Variants in LMF1 observed in about 807,000 individuals in gnomAD.
LMF1 encodes the protein lipase maturation factor 1.
In LMF1, 68 loss-of-function variants were observed where a neutral mutation model predicts 60.6. The observed-to-expected ratio is 1.12, with a 90% CI of 0.92 to 1.37. The LOEUF is 1.37. Ranked by LOEUF, LMF1 falls within the 40% of genes most tolerant of loss-of-function variation. LMF1 has a pLI of 0.00. For missense variants in LMF1, 948 were observed against 767.2 expected (o/e 1.24, Z -2.78); for synonymous variants, 418 against 324.7 (o/e 1.29, Z -3.09).
upstream of LMF1, among the ~76,000 whole-genome samples, chr16:975,463 C>CG (rs879476887): frequency 6.6e-6 from 1 of 152,222 alleles, no homozygotes; most frequent in Non-Finnish European, 1.5e-5. Flanking sequence ...CGGTCACCGA[C>CG]GGCCACATTA....
chr16:963,061 T>A (rs1023336233), intron 1 of LMF1, among the ~76,000 whole-genome samples: 3 of 151,578 alleles, frequency 2.0e-5, no homozygotes, highest in Non-Finnish European at 4.4e-5. Context: ...GGGCACGGGA[T>A]GGACACAGGG....
intron 2 of LMF1, among the ~76,000 whole-genome samples, chr16:937,781 T>C (rs1597033809): frequency 1.3e-5 from 2 of 152,256 alleles, no homozygotes; most frequent in African/African-American, 4.8e-5. Context: ...GCAGGCTAGT[T>C]GTAAATTTGT....
intron 10 of LMF1, among the ~76,000 whole-genome samples, chr16:856,391 C>T (rs2069185450): frequency 6.6e-6 from 1 of 152,212 alleles, no homozygotes; most frequent in Non-Finnish European, 1.5e-5. Context: ...CGTGAGGGCG[C>T]TGGGCTGTGC....
intron 1 of LMF1, among the ~76,000 whole-genome samples, chr16:955,384 C>T (rs74207866): frequency 0.34 from 33,203 of 96,730 alleles, 6,892 homozygotes; most frequent in African/African-American, 0.61. Flanking sequence ...CCGCAGCAGA[C>T]GCGGTGTGTG....
At chr16:970,044 C>T (rs1253161295) in intron 1 of LMF1, among the ~76,000 whole-genome samples, 1 of 152,204 alleles carries the variant, frequency 6.6e-6, no homozygotes, top group East Asian at 1.9e-4. Context: ...CGCCAGTGGA[C>T]CCGGCCAACC....
intron 3 of LMF1, among the ~76,000 whole-genome samples, chr16:912,752 A>G (rs1255397504): frequency 6.6e-6 from 1 of 152,148 alleles, no homozygotes; most frequent in African/African-American, 2.4e-5. Flanking sequence ...CTGGGAAGAA[A>G]AGGGTTGCCC....
At chr16:931,429 T>C (rs1283039749) in intron 3 of LMF1, among the ~76,000 whole-genome samples, 2 of 152,192 alleles carry the variant, frequency 1.3e-5, no homozygotes, top group East Asian at 3.9e-4. Context: ...TAAAGCCCAT[T>C]GTGCAAAATG....
intron 3 of LMF1, among the ~76,000 whole-genome samples, chr16:913,897 C>A (rs1284614581): frequency 1.3e-5 from 2 of 152,224 alleles, no homozygotes; most frequent in Non-Finnish European, 2.9e-5. Context: ...AGGCCCCCGA[C>A]ACCCCGACAG....
In LMF1 at chr16:965,298, G is replaced by A. The variant is rs377053083; in HGVS notation, c.193+5490C>T. Among the ~76,000 whole-genome samples, 19 of 152,240 alleles carry A rather than the reference G, an allele frequency of 1.2e-4. No individual in the cohort carries two copies. In the East Asian group the frequency reaches 2.1e-3, roughly 17 times the overall value. On this transcript the variant is annotated intron_variant, in intron 1 of 10. Coordinates refer to ENST00000262301, the MANE Select transcript of LMF1 (RefSeq NM_022773.4). Reference sequence around the variant, plus strand: ...CTAGACAGGAGAGTGGCCCCCACCCGCCCTGTTTGGAACCCAGCTGGGGCA... The same window carrying A: ...CTAGACAGGAGAGTGGCCCCCACCCACCCTGTTTGGAACCCAGCTGGGGCA...
intron 7 of LMF1, 122 bp from the exon 8 acceptor site, chr16:871,004 C>A (rs1196647131): frequency 2.8e-6 from 4 of 1,413,660 alleles, no homozygotes; most frequent in East Asian, 2.5e-5. Context: ...CGGAGCAGCA[C>A]CCGAACTCAC....
intron 5 of LMF1, chr16:883,806 TGAC>T (rs1184790015): frequency 3.9e-5 from 6 of 152,250 alleles, no homozygotes; most frequent in African/African-American, 1.4e-4. Flanking sequence ...TTTTACTGCA[TGAC>T]AATATGACAC....
intron 3 of LMF1, among the ~76,000 whole-genome samples, chr16:926,817 C>T (rs567088342): frequency 3.9e-5 from 6 of 152,286 alleles, no homozygotes; most frequent in African/African-American, 1.2e-4. Flanking sequence ...ATGTCAGCTG[C>T]TCCCCGGGTC....
intron 10 of LMF1, among the ~76,000 whole-genome samples, chr16:867,538 T>C (rs2069645132): frequency 2.6e-5 from 4 of 152,280 alleles, no homozygotes; most frequent in African/African-American, 9.6e-5. Context: ...CTCTGGGGCC[T>C]GGTCCCCAGT....
upstream of LMF1, among the ~76,000 whole-genome samples, chr16:973,163 T>G (rs571944471): frequency 6.6e-6 from 1 of 151,974 alleles, no homozygotes; most frequent in Non-Finnish European, 1.5e-5. Flanking sequence ...GCCAACATGG[T>G]GAAACCCCGC....
chr16:932,234 C>G lies in LMF1; in HGVS notation c.514+2010G>C, dbSNP rs527653043. Among the ~76,000 whole-genome samples, 332 of 152,292 alleles carry G rather than the reference C, an allele frequency of 2.2e-3. 1 individual carries two copies. Among genetic ancestry groups the G allele is most frequent in the African/African-American group, 7.6e-3 (318 of 41,576 alleles). ...CCAGGAGGCCTCACAGGCGGGGGCACGGGGAGGGTGGGCTCCAGGCCCTCT... is the reference window on the plus strand; with the variant it reads ...CCAGGAGGCCTCACAGGCGGGGGCAGGGGGAGGGTGGGCTCCAGGCCCTCT... On this transcript the variant is annotated intron_variant, in intron 3 of 10. Coordinates refer to ENST00000262301, the MANE Select transcript of LMF1 (RefSeq NM_022773.4).
intron 1 of LMF1, chr16:976,104 T>C: frequency 2.7e-6 from 1 of 367,452 alleles, no homozygotes; most frequent in Non-Finnish European, 5.1e-6. Flanking sequence ...TTTTCTGGAG[T>C]CAGTCCTCTC....
intron 3 of LMF1, among the ~76,000 whole-genome samples, chr16:914,554 C>G (rs1736495): frequency 2.5e-4 from 1 of 3,954 alleles, no homozygotes; most frequent in Non-Finnish European, 5.9e-4. Context: ...CCCATGACCA[C>G]TGGTGACACA....
At chr16:927,514 G>A (rs991379495) in intron 3 of LMF1, among the ~76,000 whole-genome samples, 2 of 152,280 alleles carry the variant, frequency 1.3e-5, no homozygotes, top group African/African-American at 2.4e-5. Context: ...GCGAGCTCAC[G>A]GCAGAGGCCG....
rs560030260 is a variant in LMF1, at chr16:854,652, G to A, written c.1584C>T (p.His528=). The A allele has an allele frequency of 1.6e-4, 254 of 1,605,576 alleles. 1 individual carries two copies. The highest frequency in any genetic ancestry group is 4.9e-4 in the Middle Eastern group (3 of 6,076). ...RYKFSRPGGR[H]AAEGKWWVRK... The stretch of plus-strand genomic sequence containing the variant: ...GCACCCACCACTTGCCCTCGGCGGC[G>A]TGCCTGCCCCCAGGACGGCTGAACT... Residue 528 remains histidine, a synonymous_variant, in exon 11 of 11, where the codon CAC becomes CAT. Coordinates refer to ENST00000262301, the MANE Select transcript of LMF1 (RefSeq NM_022773.4).
Sources: gnomAD v4.1 joint callset for allele counts (sites outside exome capture counted in the v4.1 genomes callset) on GRCh38, gnomAD v4.1.1 for gene constraint, MANE v1.5 for transcripts, NCBI Gene and HGNC (gene_info 2026-07-23, HGNC 2026-07-21) for gene names.